The following CCDC66 variants were observed in gnomAD, a reference collection of about 807,000 sequenced individuals.
CCDC66 encodes the protein coiled-coil domain containing 66, also known as coiled-coil domain-containing protein 66.
Under a neutral mutation model 128.3 loss-of-function variants are expected in CCDC66, and 133 were observed. That is an observed-to-expected ratio of 1.04 (90% CI 0.90 to 1.20). The LOEUF (loss-of-function observed/expected upper bound fraction) is 1.20, where lower values mean the gene tolerates loss of function less well. Ranked by LOEUF, CCDC66 falls within the 50% of genes most tolerant of loss-of-function variation. CCDC66 has a pLI of 0.00. For missense variants in CCDC66, 1,126 were observed against 1,075.5 expected (o/e 1.05, Z -0.66); for synonymous variants, 387 against 357.0 (o/e 1.08, Z -0.95).
chr3:56,588,061 G>A (rs2070137702), intron 7 of CCDC66, among the ~76,000 whole-genome samples: 1 of 152,170 alleles, frequency 6.6e-6, no homozygotes, highest in Admixed American at 6.5e-5. Flanking sequence ...CAGTCAATGA[G>A]TGGATAAAGA....
intron 10 of CCDC66, among the ~76,000 whole-genome samples, chr3:56,605,142 A>G (rs1487752690): frequency 6.6e-6 from 1 of 152,048 alleles, no homozygotes; most frequent in East Asian, 1.9e-4. Context: ...GTTCTTCTCT[A>G]AACGGTTATT....
Position 56,615,937 on chromosome 3 carries a change from T to TG in CCDC66, c.1729dup (p.Glu577GlyfsTer3). The TG allele has an allele frequency of 6.3e-7, 1 of 1,595,684 alleles. No homozygotes were observed. The highest frequency in any genetic ancestry group is 8.5e-7 in the Non-Finnish European group (1 of 1,170,654). ...TCTTTGCCAGTTGATACAATACAAA[T>TG]GGAATATAATGCATCTAACATTTCA... is the stretch of plus-strand genomic sequence containing the variant. On this transcript the variant is annotated frameshift_variant, in exon 13 of 18. Transcript: ENST00000394672. LOFTEE classifies it high-confidence loss of function.
intron 10 of CCDC66, among the ~76,000 whole-genome samples, chr3:56,611,931 G>A (rs969720467): frequency 8.5e-5 from 13 of 152,144 alleles, no homozygotes; most frequent in African/African-American, 3.1e-4. Flanking sequence ...ACAGTATTTG[G>A]GGTGTCTCCC....
chr3:56,600,330 G>C (rs926238898), intron 10 of CCDC66, among the ~76,000 whole-genome samples: 5 of 151,630 alleles, frequency 3.3e-5, no homozygotes, highest in African/African-American at 1.2e-4. Context: ...TGTATTTTTA[G>C]TACAGAGAGC....
intron 7 of CCDC66, among the ~76,000 whole-genome samples, chr3:56,575,844 A>G (rs1283823074): frequency 6.6e-6 from 1 of 151,806 alleles, no homozygotes; most frequent in Non-Finnish European, 1.5e-5. Context: ...TCCTTTCCCC[A>G]TTGAATGGTG....
In CCDC66 at chr3:56,615,241, T is replaced by C. The variant is rs1000438681; in HGVS notation, c.1680T>C (p.His560=). ...QRIRELAQKG[H]DTSRLIKNLG... is the part of the protein sequence containing the mutation. ...TCCGAGAATTGGCGCAAAAGGGACA[T>C]GACACTTCTAGACTGATTAAAAATC... Residue 560 remains histidine, a synonymous_variant, in exon 12 of 18, where the codon CAT becomes CAC. Coordinates refer to ENST00000394672, the MANE Select transcript of CCDC66 (RefSeq NM_001141947.3). 3.7e-6 allele frequency: 6 copies of C among 1,613,900 alleles called. No individual in the cohort carries two copies. Among genetic ancestry groups the C allele is most frequent in the Non-Finnish European group, 5.1e-6 (6 of 1,179,904 alleles).
intron 7 of CCDC66, among the ~76,000 whole-genome samples, chr3:56,582,291 G>A (rs771891471): frequency 1.9e-4 from 29 of 151,806 alleles, no homozygotes; most frequent in Non-Finnish European, 3.1e-4. Flanking sequence ...GGAGTGTCCC[G>A]ATTTTCCAGG....
At chr3:56,561,593 C>G (rs939054319) in intron 3 of CCDC66, among the ~76,000 whole-genome samples, 1 of 152,186 alleles carries the variant, frequency 6.6e-6, no homozygotes, top group Non-Finnish European at 1.5e-5. Flanking sequence ...CTGATGCAAC[C>G]TAAGTTTCCC....
At chr3:56,564,271 T>G in intron 4 of CCDC66, 146 bp downstream of exon 4, 1 of 601,114 alleles carries the variant, frequency 1.7e-6, no homozygotes, top group Non-Finnish European at 2.8e-6. Flanking sequence ...TTTAGAGGAC[T>G]TTCTCTAATA....
chr3:56,612,264 A>G (rs2074941315), intron 10 of CCDC66, among the ~76,000 whole-genome samples: 1 of 152,160 alleles, frequency 6.6e-6, no homozygotes, highest in African/African-American at 2.4e-5. Flanking sequence ...TGTAATCTCT[A>G]TAGACTTTTT....
chr3:56,612,460 C>T (rs1221127096), intron 10 of CCDC66, among the ~76,000 whole-genome samples: 1 of 152,142 alleles, frequency 6.6e-6, no homozygotes, highest in Non-Finnish European at 1.5e-5. Flanking sequence ...TATACACTGG[C>T]ATCAGTGGTA....
chr3:56,591,000 T>C (rs1369701244), intron 7 of CCDC66, among the ~76,000 whole-genome samples: 3 of 152,226 alleles, frequency 2.0e-5, no homozygotes, highest in Non-Finnish European at 4.4e-5. Context: ...TTCAACTAAA[T>C]GCATGCAGTA....
intron 3 of CCDC66, among the ~76,000 whole-genome samples, chr3:56,561,898 C>G (rs2065149460): frequency 6.6e-6 from 1 of 151,934 alleles, no homozygotes; most frequent in Admixed American, 6.6e-5. Flanking sequence ...TTTTTTTCCC[C>G]CATTTCCCAC....
chr3:56,592,909 CA>C (rs1358028399), intron 7 of CCDC66, 60 bp from the exon 8 acceptor site: 18 of 1,562,060 alleles, frequency 1.2e-5, no homozygotes, highest in Non-Finnish European at 1.6e-5. Context: ...AAGATTTGCA[CA>C]TATTAAGTGA....
Position 56,617,395 on chromosome 3 carries a change from T to C in CCDC66, c.2127T>C (p.Pro709=), listed in dbSNP as rs2075651964. The change falls in exon 14 of 18, where the codon CCT becomes CCC. Residue 709 remains proline (P), a synonymous_variant. Coordinates refer to ENST00000394672, the MANE Select transcript of CCDC66 (RefSeq NM_001141947.3). Reference sequence around the variant, plus strand: ...CTGATTGGAATATAAATAAGCCACCTAAAAGGTATATTCCAGCATCAGAAA... The same window carrying C: ...CTGATTGGAATATAAATAAGCCACCCAAAAGGTATATTCCAGCATCAGAAA... The part of the protein sequence containing the change: ...KRPDWNINKP[P]KRYIPASEKY... The C allele has an allele frequency of 6.2e-7, 1 of 1,613,792 alleles. No homozygotes were observed. The highest frequency in any genetic ancestry group is 8.5e-7 in the Non-Finnish European group (1 of 1,179,934).
At chr3:56,562,082 C>T (rs984417444) in intron 3 of CCDC66, among the ~76,000 whole-genome samples, 1 of 150,972 alleles carries the variant, frequency 6.6e-6, no homozygotes, top group African/African-American at 2.4e-5. Flanking sequence ...CTCTCTTTGT[C>T]CAGGCTGGAG....
At chr3:56,584,984 C>T (rs530951299) in intron 7 of CCDC66, among the ~76,000 whole-genome samples, 17 of 151,788 alleles carry the variant, frequency 1.1e-4, no homozygotes, top group South Asian at 4.2e-4. Context: ...CGCAGGCACT[C>T]GGCAGGCTGA....
chr3:56,561,761 A>C (rs990607797), intron 3 of CCDC66, among the ~76,000 whole-genome samples: 29 of 152,138 alleles, frequency 1.9e-4, no homozygotes, highest in African/African-American at 7.0e-4. Context: ...CAAATTTCAC[A>C]GTTCTGCCAC....
intron 1 of CCDC66, among the ~76,000 whole-genome samples, chr3:56,558,261 T>C (rs925872635): frequency 1.3e-5 from 2 of 152,246 alleles, no homozygotes; most frequent in Non-Finnish European, 2.9e-5. Context: ...TTTTAGGACC[T>C]TAACAGACGT....
Sources: allele counts gnomAD v4.1 joint callset (sites outside exome capture counted in the v4.1 genomes callset), GRCh38; gene constraint gnomAD v4.1.1; transcripts MANE v1.5; gene names NCBI Gene and HGNC (gene_info 2026-07-23, HGNC 2026-07-21).